Variants in LRRC37A2 observed in about 807,000 individuals in gnomAD.
LRRC37A2 encodes the protein leucine rich repeat containing 37 member A2, also known as leucine-rich repeat-containing protein 37A2.
In LRRC37A2, 9 loss-of-function variants were observed where a neutral mutation model predicts 68.8. The ratio of observed to expected loss-of-function variants is 0.13; its 90% CI spans 0.08 to 0.23. The LOEUF (loss-of-function observed/expected upper bound fraction) is 0.23, where lower values mean the gene tolerates loss of function less well. LRRC37A2 is among the 10% of genes least tolerant of loss of function. The pLI, the probability that LRRC37A2 is intolerant of heterozygous loss-of-function variation, is 1.00. For missense variants in LRRC37A2, 168 were observed against 950.4 expected (o/e 0.18, Z 10.82); for synonymous variants, 63 against 367.6 (o/e 0.17, Z 9.48).
chr17:46,992,380 T>A, the LRRC37A2 span, among the ~76,000 whole-genome samples: 9 of 151,318 alleles, frequency 5.9e-5, no homozygotes, highest in Non-Finnish European at 1.2e-4. Flanking sequence ...GAAAAAAAAA[T>A]GTTTTAGTTC....
At chr17:46,876,304 C>T in the LRRC37A2 span, 26 of 1,614,036 alleles carry the variant, frequency 1.6e-5, no homozygotes, top group South Asian at 2.2e-5. Context: ...GCTCCTGTGC[C>T]GTGCGCACCT....
chr17:47,003,163 T>A, the LRRC37A2 span, among the ~76,000 whole-genome samples: 4 of 143,478 alleles, frequency 2.8e-5, no homozygotes, highest in East Asian at 8.2e-4. Flanking sequence ...GGCAGGTAGA[T>A]CACTTAAGGC....
the LRRC37A2 span, among the ~76,000 whole-genome samples, chr17:46,983,106 GT>G: frequency 6.6e-6 from 1 of 152,122 alleles, no homozygotes; most frequent in African/African-American, 2.4e-5. Context: ...TGCAGGGGTT[GT>G]TCGTTGGCTT....
At chr17:46,984,778 C>G in the LRRC37A2 span, among the ~76,000 whole-genome samples, 1 of 152,156 alleles carries the variant, frequency 6.6e-6, no homozygotes, top group Admixed American at 6.5e-5. Flanking sequence ...AAATTGTTCA[C>G]GTTTGTCAAT....
the LRRC37A2 span, among the ~76,000 whole-genome samples, chr17:46,769,531 G>A: frequency 6.6e-6 from 1 of 152,124 alleles, no homozygotes; most frequent in East Asian, 1.9e-4. Context: ...GGTGGCACCT[G>A]ATCCCACGGG....
chr17:46,926,509 A>G, the LRRC37A2 span, among the ~76,000 whole-genome samples: 1 of 152,140 alleles, frequency 6.6e-6, no homozygotes, highest in Non-Finnish European at 1.5e-5. Flanking sequence ...CTGCTTTGTT[A>G]TATTATCACC....
chr17:46,751,406 T>A, the LRRC37A2 span: 147 of 830,882 alleles, frequency 1.8e-4, no homozygotes, highest in Non-Finnish European at 1.9e-4. Context: ...AACAGTTAGG[T>A]AGTTCTTATC....
At chr17:46,743,333 G>T in the LRRC37A2 span, among the ~76,000 whole-genome samples, 5 of 152,028 alleles carry the variant, frequency 3.3e-5, no homozygotes, top group East Asian at 7.7e-4. Flanking sequence ...TATTCTTCAG[G>T]TTCCTCTGAA....
At chr17:46,954,433 C>T in the LRRC37A2 span, among the ~76,000 whole-genome samples, 1 of 152,206 alleles carries the variant, frequency 6.6e-6, no homozygotes, top group Non-Finnish European at 1.5e-5. Context: ...GTTTTAGTTA[C>T]TGTAGCGTTG....
At chr17:46,832,731 C>T in the LRRC37A2 span, 2 of 152,606 alleles carry the variant, frequency 1.3e-5, no homozygotes, top group Admixed American at 1.3e-4. Flanking sequence ...CCTGGCCTTC[C>T]AATGTCGCAG....
chr17:47,036,979 T>C, the LRRC37A2 span, among the ~76,000 whole-genome samples: 20 of 109,966 alleles, frequency 1.8e-4, no homozygotes, highest in African/African-American at 6.0e-4. Flanking sequence ...CTTTGCAATA[T>C]ATGTAGCTTT....
At chr17:47,018,507 A>G in the LRRC37A2 span, 1 of 1,521,740 alleles carries the variant, frequency 6.6e-7, no homozygotes, top group African/African-American at 1.4e-5. Flanking sequence ...CCAGCAGGCT[A>G]CAGCTCAGCT....
chr17:47,030,630 T>C, the LRRC37A2 span, among the ~76,000 whole-genome samples: 3 of 151,844 alleles, frequency 2.0e-5, no homozygotes, highest in African/African-American at 7.3e-5. Flanking sequence ...TTTCAAAGAT[T>C]GGCACAAGGG....
At chr17:46,460,177 C>A in the LRRC37A2 span, among the ~76,000 whole-genome samples, 1 of 64,158 alleles carries the variant, frequency 1.6e-5, no homozygotes, top group Non-Finnish European at 3.4e-5. Flanking sequence ...GATTAGTGCC[C>A]ATGGCCCCTA....
the LRRC37A2 span, among the ~76,000 whole-genome samples, chr17:46,635,744 C>A: frequency 9.0e-6 from 1 of 110,568 alleles, no homozygotes; most frequent in Non-Finnish European, 1.9e-5. Flanking sequence ...AATTTTAGGA[C>A]AAGTATCTTC....
downstream of LRRC37A2, among the ~76,000 whole-genome samples, chr17:46,558,187 G>A (rs1221676364): frequency 5.7e-5 from 6 of 105,580 alleles, no homozygotes; most frequent in East Asian, 4.0e-4. Flanking sequence ...AGCCTCCCTA[G>A]TAGCTGGGGT....
chr17:46,896,036 T>C, the LRRC37A2 span, among the ~76,000 whole-genome samples: 2 of 151,940 alleles, frequency 1.3e-5, no homozygotes, highest in Non-Finnish European at 2.9e-5. Context: ...CCCAGCACTT[T>C]GGGAGGCCAA....
At chr17:46,967,589 G>C in the LRRC37A2 span, among the ~76,000 whole-genome samples, 2 of 152,202 alleles carry the variant, frequency 1.3e-5, no homozygotes, top group Admixed American at 1.3e-4. Flanking sequence ...TGTGAACTCT[G>C]CAGTGTTCTC....
At chr17:46,535,247 G>C (rs1392738358) in intron 6 of LRRC37A2, among the ~76,000 whole-genome samples, 3 of 148,012 alleles carry the variant, frequency 2.0e-5, no homozygotes, top group African/African-American at 5.2e-5. Flanking sequence ...AGGATCCCTT[G>C]TATGTGATGA....
Sources: gnomAD v4.1 joint callset for allele counts (sites outside exome capture counted in the v4.1 genomes callset) on GRCh38, gnomAD v4.1.1 for gene constraint, MANE v1.5 for transcripts, NCBI Gene and HGNC (gene_info 2026-07-23, HGNC 2026-07-21) for gene names.